The following PARD6G variants were observed in gnomAD, a reference collection of about 807,000 sequenced individuals.
PARD6G encodes par-6 family cell polarity regulator gamma, also known as partitioning defective 6 homolog gamma.
Under a neutral mutation model 10.7 loss-of-function variants are expected in PARD6G, and 7 were observed. The observed-to-expected ratio is 0.66, with a 90% CI of 0.37 to 1.23. The LOEUF is 1.23. Among genes scored for constraint, PARD6G ranks in the 50% most tolerant of loss-of-function variants. The pLI is 0.02. For synonymous variants in PARD6G, 287 were observed against 269.4 expected, an observed-to-expected ratio of 1.07 and a Z score of -0.64; for missense variants, 548 against 571.8, an observed-to-expected ratio of 0.96 and a Z score of 0.42.
At chr18:80,164,302 C>T (rs2052720782) in intron 2 of PARD6G, among the ~76,000 whole-genome samples, 1 of 152,186 alleles carries the variant, frequency 6.6e-6, no homozygotes, top group South Asian at 2.1e-4. Flanking sequence ...CACTTAGGGG[C>T]CATCCTAACA....
At chr18:80,215,213 TC>T (rs1967151255) in intron 1 of PARD6G, among the ~76,000 whole-genome samples, 1 of 152,146 alleles carries the variant, frequency 6.6e-6, no homozygotes, top group Non-Finnish European at 1.5e-5. Context: ...ACTGAGATAA[TC>T]TGTTATTAGT....
At chr18:80,245,534 A>C (rs932477741) in intron 1 of PARD6G, among the ~76,000 whole-genome samples, 1 of 152,162 alleles carries the variant, frequency 6.6e-6, no homozygotes, top group African/African-American at 2.4e-5. Flanking sequence ...AGGATACGAC[A>C]GTGTGCTAGT....
At chr18:80,204,950 T>TTAATAATAATAA (rs570635258) in intron 1 of PARD6G, among the ~76,000 whole-genome samples, 4 of 151,740 alleles carry the variant, frequency 2.6e-5, no homozygotes, top group African/African-American at 9.7e-5. Flanking sequence ...AGACTCAGTC[T>TTAATAATAATAA]TAATAATAAT....
intron 1 of PARD6G, among the ~76,000 whole-genome samples, chr18:80,209,801 G>T (rs369914273): frequency 6.6e-6 from 1 of 152,170 alleles, no homozygotes; most frequent in Non-Finnish European, 1.5e-5. Context: ...GACAGAGTAA[G>T]ACCCTGTCTC....
chr18:80,243,130 A>C (rs955582779), intron 1 of PARD6G, among the ~76,000 whole-genome samples: 4 of 152,152 alleles, frequency 2.6e-5, no homozygotes, highest in African/African-American at 7.2e-5. Flanking sequence ...TTATATGTGT[A>C]TATTCTATAT....
At chr18:80,213,338 T>C (rs1246276902) in intron 1 of PARD6G, among the ~76,000 whole-genome samples, 2 of 152,166 alleles carry the variant, frequency 1.3e-5, no homozygotes, top group Non-Finnish European at 2.9e-5. Context: ...ATGAAAGACC[T>C]GAGGCACCTG....
At chr18:80,163,236 C>T (rs939264417) in intron 2 of PARD6G, among the ~76,000 whole-genome samples, 19 of 152,118 alleles carry the variant, frequency 1.2e-4, no homozygotes, top group Admixed American at 3.9e-4. Context: ...CTCAGAGCCA[C>T]GAGCAGCAGG....
In PARD6G at chr18:80,161,918, G is replaced by C. The variant is rs543232530; in HGVS notation, c.296-1312C>G. ...TGGAGATGGGGAATGCTGGTTGACA[G>C]TTCTGGAAAGGACTCGAAGACAAAT... On this transcript the variant is annotated intron_variant, in intron 2 of 2. Transcript: ENST00000353265. The surrounding 1 kb of genome is among the most constrained non-coding windows in gnomAD (Gnocchi z 4.6). The C allele has an allele frequency of 6.6e-6, 1 of 152,352 alleles. No individual in the cohort carries two copies. Among genetic ancestry groups the C allele is most frequent in the Non-Finnish European group, 1.5e-5 (1 of 68,130 alleles). 9.4% of individuals were successfully genotyped at this position (152,352 alleles called of 1,614,324 possible). A position where few individuals can be genotyped will look rare whatever the true frequency, so the allele number is the denominator to read the frequency against.
At chr18:80,244,426 C>T (rs1055498993) in intron 1 of PARD6G, among the ~76,000 whole-genome samples, 23 of 152,098 alleles carry the variant, frequency 1.5e-4, no homozygotes, top group African/African-American at 5.3e-4. Context: ...TGGCCCCTCG[C>T]GCACACACAC....
At position 80,160,061 on chromosome 18, in the gene PARD6G, C is replaced by T. The variant is rs750051978; in HGVS notation, c.841G>A (p.Ala281Thr). 7.0e-6 allele frequency: 11 copies of T among 1,561,090 alleles called. No homozygotes were observed. The African/African-American group carries it at 1.4e-4, about 19-fold the overall frequency. The change falls in exon 3 of 3, where the codon GCC becomes ACC. Residue 281 changes from alanine to threonine, a missense_variant. This residue lies in a region of PARD6G where 313 missense variants were observed against 279.9 expected (regional missense o/e 1.12). Transcript: ENST00000353265. ...DGTAGFVGPP[A>T]PRVLQNFHPD... is the part of the protein sequence containing the mutation. ...TGGAAGTTCTGCAGGACGCGCGGGGCGGGGGGACCCACGAAGCCCGCGGTG... is the reference window on the plus strand; with the variant it reads ...TGGAAGTTCTGCAGGACGCGCGGGGTGGGGGGACCCACGAAGCCCGCGGTG...
At position 80,231,413 on chromosome 18, in the gene PARD6G, G is replaced by A. The variant is rs1967356239; in HGVS notation, c.72+15864C>T. ...AGCTCATGATACATGGAGGAATTAG[G>A]CAGTTCTGCATCCGAGCTGTGCTGC... On this transcript the variant is annotated intron_variant, in intron 1 of 2. Coordinates refer to ENST00000353265, the MANE Select transcript of PARD6G (RefSeq NM_032510.4). This position sits in a 1 kb window ranked among gnomAD's most constrained non-coding sequence, Gnocchi z 4.2. 6.6e-6 allele frequency among the ~76,000 whole-genome samples: 1 copy of A among 152,184 alleles called. No individual in the cohort carries two copies. The highest frequency in any genetic ancestry group is 2.1e-4 in the South Asian group (1 of 4,832).
At position 80,160,242 on chromosome 18, in the gene PARD6G, G is replaced by A. The variant is rs2052689198; in HGVS notation, c.660C>T (p.Asn220=). 2.5e-6 allele frequency: 4 copies of A among 1,612,766 alleles called. No individual in the cohort carries two copies. Among genetic ancestry groups the A allele is most frequent in the Admixed American group, 1.7e-5 (1 of 59,986 alleles). ...GCGTCTTCCCGGCCACCTCAATGCC[G>A]TTCACCTCCAGGACCTCGTCATTCA... is the stretch of plus-strand genomic sequence containing the variant. ...LAVNDEVLEV[N]GIEVAGKTLD... Residue 220 remains asparagine (N), a synonymous_variant, in exon 3 of 3, where the codon AAC becomes AAT. Transcript: ENST00000353265.
At chr18:80,196,344 G>A (rs1343159667) in intron 2 of PARD6G, among the ~76,000 whole-genome samples, 2 of 152,146 alleles carry the variant, frequency 1.3e-5, no homozygotes, top group Non-Finnish European at 2.9e-5. Flanking sequence ...TCGGGGTGGT[G>A]GGATTGCTTC....
chr18:80,159,851 A>T lies in PARD6G; in HGVS notation c.1051T>A (p.Ser351Thr). Residue 351 changes from serine to threonine, a missense_variant, in exon 3 of 3, where the codon TCC becomes ACC. By Grantham distance (58) the Ser-to-Thr change is moderately conservative. Around this residue, in one of 2 missense-constraint regions of PARD6G, gnomAD observed 313 missense variants for 279.9 expected, o/e 1.12. Coordinates refer to ENST00000353265, the MANE Select transcript of PARD6G (RefSeq NM_032510.4). ...LDGGLQRLLS[S>T]LRADPRHSLA... The stretch of plus-strand genomic sequence containing the variant: ...CTGTGACGGGGGTCGGCCCGCAGGG[A>T]GCTGAGCAGCCGCTGGAGGCCGCCG... 1 of 1,507,944 alleles carries T rather than the reference A, an allele frequency of 6.6e-7. No homozygotes were observed. Among genetic ancestry groups the T allele is most frequent in the Non-Finnish European group, 8.8e-7 (1 of 1,133,264 alleles). 93.4% of individuals were successfully genotyped at this position (1,507,944 alleles called of 1,614,324 possible).
rs1381312280 is a variant in PARD6G at position 80,237,654 on chromosome 18, GA to G, written c.72+9622del. On this transcript the variant is annotated intron_variant, in intron 1 of 2. Transcript: ENST00000353265. ...ACAAAGAACACAAACAAATTTACAA[GA>G]AAAAAACAACCCCATCAACAAGTGG... is the stretch of plus-strand genomic sequence containing the variant. Among the ~76,000 whole-genome samples the G allele has an allele frequency of 2.0e-5, 3 of 152,008 alleles. No homozygotes were observed. In the East Asian group the frequency reaches 5.8e-4, roughly 29 times the overall value.
intron 2 of PARD6G, among the ~76,000 whole-genome samples, chr18:80,173,073 A>G (rs908881186): frequency 3.3e-5 from 5 of 152,198 alleles, no homozygotes; most frequent in African/African-American, 1.2e-4. Flanking sequence ...TGAGCCCTGA[A>G]TATCAGGCAT....
chr18:80,238,832 C>G (rs548237295), intron 1 of PARD6G, among the ~76,000 whole-genome samples: 1 of 125,506 alleles, frequency 8.0e-6, no homozygotes, highest in East Asian at 2.8e-4. Context: ...AGGAAAGGAT[C>G]GGCTTGCTGG....
At position 80,160,622 on chromosome 18, in the gene PARD6G, CAGTT is replaced by C; in HGVS notation, c.296-20_296-17del. 7.0e-7 allele frequency: 1 copy of C among 1,436,798 alleles called. No individual in the cohort carries two copies. The highest frequency in any genetic ancestry group is 9.1e-7 in the Non-Finnish European group (1 of 1,100,926). 89.0% of individuals were successfully genotyped at this position (1,436,798 alleles called of 1,614,324 possible). A position where few individuals can be genotyped will look rare whatever the true frequency, so the allele number is the denominator to read the frequency against. On this transcript the variant is annotated splice_polypyrimidine_tract_variant and intron_variant, in intron 2 of 2. Transcript: ENST00000353265. ...TCGGCCTCCTCTGCGGGAGAGGGGA[CAGTT>C]AGAGGGGACACACAACCGAGCCCCG...
Position 80,228,652 on chromosome 18 carries a change from C to T in PARD6G, c.72+18625G>A, listed in dbSNP as rs962804936. ...AGACTGCGCCTCCCACCTAAGGCCC[C>T]GCCCACTGAGGCCCCATCCCCTGCC... On this transcript the variant is annotated intron_variant, in intron 1 of 2. Transcript: ENST00000353265. This position sits in a 1 kb window ranked among gnomAD's most constrained non-coding sequence, Gnocchi z 4.6. Among the ~76,000 whole-genome samples the T allele has an allele frequency of 1.3e-5, 2 of 151,352 alleles. No individual in the cohort carries two copies. Among genetic ancestry groups the T allele is most frequent in the Admixed American group, 6.6e-5 (1 of 15,184 alleles).
Sources: gnomAD v4.1 joint callset for allele counts (sites outside exome capture counted in the v4.1 genomes callset) on GRCh38, gnomAD v4.1.1 for gene constraint, gnomAD v4.1.1 regional missense constraint, Gnocchi (gnomAD v3.1) non-coding constraint, MANE v1.5 for transcripts, NCBI Gene and HGNC (gene_info 2026-07-23, HGNC 2026-07-21) for gene names.